Variants in LIX1L observed in about 807,000 individuals in gnomAD.
LIX1L encodes the protein limb and CNS expressed 1 like.
LIX1L carries 20 observed loss-of-function variants against 34.0 expected under a neutral mutation model. That is an observed-to-expected ratio of 0.59 (90% CI 0.41 to 0.85). The LOEUF is 0.85. Among genes scored for constraint, LIX1L ranks in the 40% least tolerant of loss-of-function variants. LIX1L has a pLI of 0.00. For missense variants in LIX1L, 397 were observed against 447.0 expected (o/e 0.89, Z 1.01); for synonymous variants, 170 against 187.4 (o/e 0.91, Z 0.76).
At chr1:145,950,316 AAAG>A (rs1293459351) in intron 1 of LIX1L, 1 of 152,220 alleles carries the variant, frequency 6.6e-6, no homozygotes, top group East Asian at 1.9e-4. Flanking sequence ...GAAGAGAGGG[AAAG>A]AAGGAGGTCT....
intron 2 of LIX1L, among the ~76,000 whole-genome samples, chr1:145,946,255 G>A (rs113062244): frequency 2.7e-5 from 4 of 145,884 alleles, no homozygotes; most frequent in South Asian, 2.2e-4. Flanking sequence ...CTAGAGTGCC[G>A]TGGTGCAATC....
At chr1:145,943,424 G>A (rs1486352003) in intron 2 of LIX1L, among the ~76,000 whole-genome samples, 1 of 152,198 alleles carries the variant, frequency 6.6e-6, no homozygotes, top group Non-Finnish European at 1.5e-5. Context: ...CCTGAGAAGG[G>A]TTTAAGTCTG....
chr1:145,939,609 G>C (rs1648812281), intron 3 of LIX1L, among the ~76,000 whole-genome samples: 1 of 150,898 alleles, frequency 6.6e-6, no homozygotes, highest in Non-Finnish European at 1.5e-5. Flanking sequence ...GCCCAGCCAG[G>C]AACCATAATT....
At chr1:145,952,245 A>G (rs1649323572) in intron 1 of LIX1L, among the ~76,000 whole-genome samples, 2 of 152,208 alleles carry the variant, frequency 1.3e-5, no homozygotes, top group Non-Finnish European at 2.9e-5. Context: ...CAAGCTTCCT[A>G]AAACTGTTAA....
Position 145,947,710 on chromosome 1 carries a change from G to C in LIX1L, c.365C>G (p.Ala122Gly). ...GGGAACCATCTCATAAACCACTAGA[G>C]CCCCATTCTTTAAGTCAGCACCACG... ...QSRGADLKNGALVVYEMVPSN... is the reference protein window; with the variant it reads ...QSRGADLKNGGLVVYEMVPSN... Residue 122 changes from alanine (A) to glycine (G), a missense_variant, in exon 2 of 6, where the codon GCT becomes GGT. By Grantham distance (60) the Ala-to-Gly change is moderately conservative. This residue lies in a region of LIX1L where 207 missense variants were observed against 205.2 expected (regional missense o/e 1.01). Transcript: ENST00000604000. 1 of 1,614,058 alleles carries C rather than the reference G, an allele frequency of 6.2e-7. No individual in the cohort carries two copies. Among genetic ancestry groups the C allele is most frequent in the Non-Finnish European group, 8.5e-7 (1 of 1,180,006 alleles).
chr1:145,947,951 G>A (rs1268424388), intron 1 of LIX1L, among the ~76,000 whole-genome samples, 169 bp from the exon 2 acceptor site: 1 of 152,210 alleles, frequency 6.6e-6, no homozygotes, highest in African/African-American at 2.4e-5. Context: ...CTGTGATTAA[G>A]TTAATTTGCC....
In LIX1L at chr1:145,936,537, A is replaced by T; in HGVS notation, c.787T>A (p.Tyr263Asn). 1 of 1,614,026 alleles carries T rather than the reference A, an allele frequency of 6.2e-7. No individual in the cohort carries two copies. Among genetic ancestry groups the T allele is most frequent in the Non-Finnish European group, 8.5e-7 (1 of 1,180,016 alleles). ...TCATCATCCAGGGCCCGGTGCGAAT[A>T]ATGAGCCAACACCTCCTAGTAGGGG... ...QCSRQEVLAH[Y>N]SHRALDDDIR... is the part of the protein sequence containing the mutation. The change falls in exon 6 of 6, where the codon TAT becomes AAT. Residue 263 changes from tyrosine to asparagine, a missense_variant. By Grantham distance (143) the Tyr-to-Asn change is moderately radical. Around this residue, in one of 3 missense-constraint regions of LIX1L, gnomAD observed 174 missense variants for 204.0 expected, o/e 0.85. Coordinates refer to ENST00000604000, the MANE Select transcript of LIX1L (RefSeq NM_153713.3).
chr1:145,937,058 A>C (rs1292515539), intron 4 of LIX1L, 73 bp from the exon 5 acceptor site: 49 of 1,007,512 alleles, frequency 4.9e-5, no homozygotes, highest in Non-Finnish European at 7.5e-5. Context: ...TTACATGGGA[A>C]ACCTTTTACA....
intron 1 of LIX1L, 44 bp downstream of exon 1, chr1:145,957,592 C>A: frequency 6.9e-7 from 1 of 1,447,768 alleles, no homozygotes; most frequent in Non-Finnish European, 9.0e-7. Context: ...AGCAAGGCTC[C>A]CTTACAGAGG....
At chr1:145,939,638 C>CTTTTTTTTTTTTT (rs587705670) in intron 3 of LIX1L, among the ~76,000 whole-genome samples, 3 of 132,760 alleles carry the variant, frequency 2.3e-5, no homozygotes, top group Non-Finnish European at 3.3e-5. Context: ...TTTTCTTTTT[C>CTTTTTTTTTTTTT]TTTTTTTTTT....
rs1553757842 is a variant in LIX1L, at chr1:145,936,512, T to A, written c.812A>T (p.Asp271Val). Residue 271 changes from aspartate to valine, a missense_variant, in exon 6 of 6, where the codon GAT becomes GTT. By Grantham distance (152) the Asp-to-Val change is radical. Around this residue, in one of 3 missense-constraint regions of LIX1L, gnomAD observed 174 missense variants for 204.0 expected, o/e 0.85. Coordinates refer to ENST00000604000, the MANE Select transcript of LIX1L (RefSeq NM_153713.3). Reference sequence around the variant, plus strand: ...GTCCAAGGCCATTTGGTGGCGAATATCATCATCCAGGGCCCGGTGCGAATA... The same window carrying A: ...GTCCAAGGCCATTTGGTGGCGAATAACATCATCCAGGGCCCGGTGCGAATA... ...AHYSHRALDD[D>V]IRHQMALDWV... is the part of the protein sequence containing the mutation. 1 of 1,613,934 alleles carries A rather than the reference T, an allele frequency of 6.2e-7. No individual in the cohort carries two copies. The highest frequency in any genetic ancestry group is 1.3e-5 in the African/African-American group (1 of 74,876).
At chr1:145,945,205 C>CA (rs1649055076) in intron 2 of LIX1L, among the ~76,000 whole-genome samples, 1 of 147,758 alleles carries the variant, frequency 6.8e-6, no homozygotes, top group South Asian at 2.1e-4. Context: ...GAGGCAGAGG[C>CA]AGGGAGAACT....
In LIX1L at chr1:145,948,384, G is replaced by C. The variant is rs936104504; in HGVS notation, c.293-602C>G. 6.6e-6 allele frequency among the ~76,000 whole-genome samples: 1 copy of C among 152,196 alleles called. No individual in the cohort carries two copies. Among genetic ancestry groups the C allele is most frequent in the South Asian group, 2.1e-4 (1 of 4,832 alleles). On this transcript the variant is annotated intron_variant, in intron 1 of 5. Coordinates refer to ENST00000604000, the MANE Select transcript of LIX1L (RefSeq NM_153713.3). This position sits in a 1 kb window ranked among gnomAD's most constrained non-coding sequence, Gnocchi z 4.0. ...TTATGCCAGGAGAAAGTAGCAGTTT[G>C]AGTATTCAAACTCAAGTAGTCTTGG...
At chr1:145,945,842 C>G (rs1365867471) in intron 2 of LIX1L, among the ~76,000 whole-genome samples, 1 of 148,620 alleles carries the variant, frequency 6.7e-6, no homozygotes. Context: ...AATCCCAGCA[C>G]TTTGGGAGGC....
intron 1 of LIX1L, among the ~76,000 whole-genome samples, chr1:145,950,556 CAG>C (rs1297811006): frequency 2.6e-5 from 4 of 151,598 alleles, no homozygotes; most frequent in Non-Finnish European, 5.9e-5. Context: ...TTAGTAGAGA[CAG>C]GGTTTCACCG....
Position 145,936,308 on chromosome 1 carries a change from GC to G in LIX1L, c.*1del. 6.2e-7 allele frequency: 1 copy of G among 1,613,938 alleles called. No homozygotes were observed. The highest frequency in any genetic ancestry group is 8.5e-7 in the Non-Finnish European group (1 of 1,179,832). On this transcript the variant is annotated 3_prime_UTR_variant, in exon 6 of 6. Transcript: ENST00000604000. Reference sequence around the variant, plus strand: ...AGCCTGGGGAGTTATGTGGGTGGATGCCTAGCAGTTGGAAGAATGCATATTG... The same window carrying G: ...AGCCTGGGGAGTTATGTGGGTGGATGCTAGCAGTTGGAAGAATGCATATTG...
chr1:145,950,230 GC>G (rs1649243795), intron 1 of LIX1L: 1 of 152,216 alleles, frequency 6.6e-6, no homozygotes, highest in Non-Finnish European at 1.5e-5. Flanking sequence ...ATAGACAATT[GC>G]AAGAGATTTA....
chr1:145,952,724 G>A (rs908459933), intron 1 of LIX1L, among the ~76,000 whole-genome samples: 1 of 151,740 alleles, frequency 6.6e-6, no homozygotes, highest in Non-Finnish European at 1.5e-5. Context: ...CAATTCTCCT[G>A]CTCAGCCTCC....
chr1:145,938,939 A>G (rs1373513387), intron 3 of LIX1L, among the ~76,000 whole-genome samples: 1 of 149,924 alleles, frequency 6.7e-6, no homozygotes, highest in Admixed American at 6.7e-5. Flanking sequence ...GATTTAAAGC[A>G]TTTATTCAGG....
Sources: allele counts gnomAD v4.1 joint callset (sites outside exome capture counted in the v4.1 genomes callset), GRCh38; gene constraint gnomAD v4.1.1; regional missense constraint gnomAD v4.1.1; non-coding constraint Gnocchi (gnomAD v3.1); transcripts MANE v1.5; gene names NCBI Gene and HGNC (gene_info 2026-07-23, HGNC 2026-07-21).